HCN2: variants seen among roughly 807,000 people sequenced by gnomAD.
The protein encoded by HCN2 is potassium/sodium hyperpolarization-activated cyclic nucleotide-gated channel 2.
Under a neutral mutation model 52.3 loss-of-function variants are expected in HCN2, and 20 were observed. The ratio of observed to expected loss-of-function variants is 0.38; its 90% CI spans 0.27 to 0.56. The LOEUF (loss-of-function observed/expected upper bound fraction) is 0.56, where lower values mean the gene tolerates loss of function less well. Ranked by LOEUF, HCN2 falls within the 20% of genes least tolerant of loss-of-function variation. The pLI, the probability that HCN2 is intolerant of heterozygous loss-of-function variation, is 0.71. For synonymous variants in HCN2, 694 were observed against 537.0 expected (o/e 1.29, Z -4.04); for missense variants, 981 against 1,207.7 (o/e 0.81, Z 2.78).
At chr19:599,084 GT>G (rs1983121409) in intron 1 of HCN2, among the ~76,000 whole-genome samples, 1 of 152,384 alleles carries the variant, frequency 6.6e-6, no homozygotes, top group Admixed American at 6.5e-5. Flanking sequence ...GCCAGCCCAG[GT>G]CTGGCTGATG....
intron 1 of HCN2, among the ~76,000 whole-genome samples, chr19:599,352 CAGCGATG>C (rs1165066485): frequency 2.0e-5 from 3 of 152,168 alleles, no homozygotes; most frequent in Admixed American, 2.0e-4. Context: ...GCGGCCACGC[CAGCGATG>C]AGCTCCCAGG....
Position 590,606 on chromosome 19 carries a change from C to A in HCN2, c.632+29C>A, listed in dbSNP as rs767271875. ...CCGCCTCCGGGAGGGCCGGTCGGCG[C>A]GAGGGGGCCCGGGGAGCCGGGCGCG... is the stretch of plus-strand genomic sequence containing the variant. On this transcript the variant is annotated intron_variant, in intron 1 of 7. Coordinates refer to ENST00000251287, the MANE Select transcript of HCN2 (RefSeq NM_001194.4). This position sits in a 1 kb window ranked among gnomAD's most constrained non-coding sequence, Gnocchi z 7.2. 7.0e-5 allele frequency: 94 copies of A among 1,351,368 alleles called. No homozygotes were observed. Among genetic ancestry groups the A allele is most frequent in the Non-Finnish European group, 9.0e-5 (93 of 1,036,212 alleles). The allele number at this position is 1,351,368 out of a possible 1,614,324, so 83.7% of individuals were successfully genotyped here.
In HCN2 at chr19:590,679, G is replaced by A; in HGVS notation, c.632+102G>A. 1 of 952,618 alleles carries A rather than the reference G, an allele frequency of 1.0e-6. No homozygotes were observed. Among genetic ancestry groups the A allele is most frequent in the Non-Finnish European group, 1.4e-6 (1 of 737,718 alleles). 59.0% of individuals were successfully genotyped at this position (952,618 alleles called of 1,614,324 possible). Reference sequence around the variant, plus strand: ...CTGGGGAGGGCGGGGCGGCGCGCCGGGCCGGTGACCTCGGGGCTCCTCGGT... The same window carrying A: ...CTGGGGAGGGCGGGGCGGCGCGCCGAGCCGGTGACCTCGGGGCTCCTCGGT... On this transcript the variant is annotated intron_variant, in intron 1 of 7. Transcript: ENST00000251287. This position sits in a 1 kb window ranked among gnomAD's most constrained non-coding sequence, Gnocchi z 7.2.
chr19:616,641 C>G lies in HCN2; in HGVS notation c.*167C>G. On this transcript the variant is annotated 3_prime_UTR_variant, in exon 8 of 8. Coordinates refer to ENST00000251287, the MANE Select transcript of HCN2 (RefSeq NM_001194.4). ...GGCAGGGCCGGCGGGGCAGCCCCCT[C>G]CGCGCCCCCGGCCGTCCCCCCTCAT... 3.3e-6 allele frequency: 1 copy of G among 302,072 alleles called. No homozygotes were observed. The highest frequency in any genetic ancestry group is 5.6e-6 in the Non-Finnish European group (1 of 177,822). The allele number at this position is 302,072 out of a possible 1,614,324, so 18.7% of individuals were successfully genotyped here.
At chr19:614,733 A>G (rs966179273) in intron 7 of HCN2, among the ~76,000 whole-genome samples, 2 of 151,964 alleles carry the variant, frequency 1.3e-5, no homozygotes, top group African/African-American at 4.8e-5. Flanking sequence ...GGAGGGTTCT[A>G]GGTGGGCGGA....
At position 594,077 on chromosome 19, in the gene HCN2, T is replaced by C. The variant is rs377395403; in HGVS notation, c.632+3500T>C. On this transcript the variant is annotated intron_variant, in intron 1 of 7. Transcript: ENST00000251287. Reference sequence around the variant, plus strand: ...GCAGGAGAGGGGCAGGGGCTGGAGGTCTCTGCACGAGAAGGGCTGGGGCTG... The same window carrying C: ...GCAGGAGAGGGGCAGGGGCTGGAGGCCTCTGCACGAGAAGGGCTGGGGCTG... Among the ~76,000 whole-genome samples, 191 of 146,938 alleles carry C rather than the reference T, an allele frequency of 1.3e-3. 1 individual carries two copies. The highest frequency in any genetic ancestry group is 7.0e-3 in the Middle Eastern group (2 of 284).
chr19:592,368 G>T lies in HCN2; in HGVS notation c.632+1791G>T, dbSNP rs374807352. On this transcript the variant is annotated intron_variant, in intron 1 of 7. Transcript: ENST00000251287. The surrounding 1 kb of genome is among the most constrained non-coding windows in gnomAD (Gnocchi z 4.8). ...TGCAGAGGGGCGGTCGGTGGCCTGG[G>T]GGGCAGGTGGGCAGATGGCTGATCC... 1.8e-4 allele frequency among the ~76,000 whole-genome samples: 28 copies of T among 152,344 alleles called. No homozygotes were observed. The highest frequency in any genetic ancestry group is 6.3e-4 in the African/African-American group (26 of 41,568).
At position 616,956 on chromosome 19, in the gene HCN2, C is replaced by T. The variant is rs1983983945; in HGVS notation, c.*482C>T. The T allele has an allele frequency of 9.2e-6, 4 of 435,478 alleles. No homozygotes were observed. The highest frequency in any genetic ancestry group is 1.7e-5 in the Non-Finnish European group (4 of 235,928). 27.0% of individuals were successfully genotyped at this position (435,478 alleles called of 1,614,324 possible). ...CCGTCCGCGCGCGTCCCCCGGTGACCTCGGGGAGCAGCACCCCGCCTCCCT... is the reference window on the plus strand; with the variant it reads ...CCGTCCGCGCGCGTCCCCCGGTGACTTCGGGGAGCAGCACCCCGCCTCCCT... On this transcript the variant is annotated 3_prime_UTR_variant, in exon 8 of 8. Transcript: ENST00000251287.
intron 1 of HCN2, among the ~76,000 whole-genome samples, chr19:594,234 G>T (rs1810308507): frequency 6.6e-6 from 1 of 152,184 alleles, no homozygotes; most frequent in Non-Finnish European, 1.5e-5. Context: ...CACCGAGGGG[G>T]CTGGGCAGAC....
intron 5 of HCN2, among the ~76,000 whole-genome samples, chr19:612,393 GGTGTGTGTGT>G (rs140326049): frequency 7.1e-4 from 101 of 141,862 alleles, no homozygotes; most frequent in African/African-American, 2.0e-3. Flanking sequence ...GCTTTCCACT[GGTGTGTGTGT>G]GTGTGTGTGT....
chr19:601,613 C>T (rs538616291), intron 1 of HCN2, among the ~76,000 whole-genome samples: 3 of 150,812 alleles, frequency 2.0e-5, no homozygotes, highest in African/African-American at 7.4e-5. Flanking sequence ...GCGGGGTGCT[C>T]GTCCGTCCTT....
chr19:616,200 C>T lies in HCN2; in HGVS notation c.2396C>T (p.Pro799Leu), dbSNP rs1182188375. The T allele has an allele frequency of 3.0e-6, 3 of 984,050 alleles. No individual in the cohort carries two copies. Among genetic ancestry groups the T allele is most frequent in the South Asian group, 4.5e-5 (1 of 22,418 alleles). The allele number at this position is 984,050 out of a possible 1,614,324, so 61.0% of individuals were successfully genotyped here. A position where few individuals can be genotyped will look rare whatever the true frequency, so the allele number is the denominator to read the frequency against. The change falls in exon 8 of 8, where the codon CCC becomes CTC. Residue 799 changes from proline (P) to leucine (L), a missense_variant. Pro to Leu is a moderately conservative substitution (Grantham distance 98, BLOSUM62 -3). Coordinates refer to ENST00000251287, the MANE Select transcript of HCN2 (RefSeq NM_001194.4). ...CGGACCTCGCCCTACGGCGGCCTGC[C>T]CGCCGCCCCCCTTGCTGGGCCCGCC... ...APRTSPYGGLPAAPLAGPALP... is the reference protein window; with the variant it reads ...APRTSPYGGLLAAPLAGPALP...
In HCN2 at chr19:616,249, C is replaced by T. The variant is rs909314890; in HGVS notation, c.2445C>T (p.Arg815=). The T allele has an allele frequency of 1.1e-5, 11 of 1,010,688 alleles. No homozygotes were observed. The South Asian group carries it at 4.3e-4, about 39-fold the overall frequency. 62.6% of individuals were successfully genotyped at this position (1,010,688 alleles called of 1,614,324 possible). A position where few individuals can be genotyped will look rare whatever the true frequency, so the allele number is the denominator to read the frequency against. The change falls in exon 8 of 8, where the codon CGC becomes CGT. Residue 815 remains arginine (R), a synonymous_variant. Coordinates refer to ENST00000251287, the MANE Select transcript of HCN2 (RefSeq NM_001194.4). ...GPALPARRLS[R]ASRPLSASQP... is the part of the protein sequence containing the mutation. The stretch of plus-strand genomic sequence containing the variant: ...CCCTGCCCGCGCGCCGCCTGAGCCG[C>T]GCGTCGCGCCCACTGTCCGCCTCGC...
intron 5 of HCN2, 44 bp downstream of exon 5, chr19:610,449 G>A: frequency 6.3e-7 from 1 of 1,579,292 alleles, no homozygotes; most frequent in Admixed American, 1.7e-5. Flanking sequence ...TCCGGTACAG[G>A]GCCGGCCTCC....
Position 605,230 on chromosome 19 carries a change from C to T in HCN2, c.1218+8C>T. 1 of 1,609,380 alleles carries T rather than the reference C, an allele frequency of 6.2e-7. No individual in the cohort carries two copies. Among genetic ancestry groups the T allele is most frequent in the Non-Finnish European group, 8.5e-7 (1 of 1,178,802 alleles). On this transcript the variant is annotated splice_region_variant and intron_variant, in intron 3 of 7. Transcript: ENST00000251287. Reference sequence around the variant, plus strand: ...TCCATCAATGGCATGGTGGTGAGCGCCGCGGGCCCTGACGGAGGGGGAGAC... The same window carrying T: ...TCCATCAATGGCATGGTGGTGAGCGTCGCGGGCCCTGACGGAGGGGGAGAC...
chr19:617,072 G>A lies in HCN2; in HGVS notation c.*598G>A, dbSNP rs1242214829. 1.0e-5 allele frequency: 6 copies of A among 585,812 alleles called. No individual in the cohort carries two copies. The highest frequency in any genetic ancestry group is 5.6e-5 in the African/African-American group (3 of 53,738). 36.3% of individuals were successfully genotyped at this position (585,812 alleles called of 1,614,324 possible). A position where few individuals can be genotyped will look rare whatever the true frequency, so the allele number is the denominator to read the frequency against. ...GCCGTGATGAATGTACTGACGAGCC[G>A]AGGCAGCAGTGCCCCCACCGTGGCC... is the stretch of plus-strand genomic sequence containing the variant. On this transcript the variant is annotated 3_prime_UTR_variant, in exon 8 of 8. Transcript: ENST00000251287.
intron 6 of HCN2, 30 bp downstream of exon 6, chr19:613,518 G>A: frequency 3.8e-6 from 4 of 1,053,446 alleles, no homozygotes; most frequent in Admixed American, 2.1e-5. Context: ...GCCTGGAGGG[G>A]GAGGGGGCAC....
In HCN2 at chr19:610,916, C is replaced by T. The variant is rs541668297; in HGVS notation, c.1584+511C>T. Among the ~76,000 whole-genome samples, 70 of 152,164 alleles carry T rather than the reference C, an allele frequency of 4.6e-4. 1 individual carries two copies. Among genetic ancestry groups the T allele is most frequent in the Non-Finnish European group, 4.9e-4 (33 of 68,022 alleles). Reference sequence around the variant, plus strand: ...CAAGGCGTGGGCCGGGCCGTGCTACCCCCCCGGAGCCCCTGGGGAGGATCC... The same window carrying T: ...CAAGGCGTGGGCCGGGCCGTGCTACTCCCCCGGAGCCCCTGGGGAGGATCC... On this transcript the variant is annotated intron_variant, in intron 5 of 7. Transcript: ENST00000251287.
intron 7 of HCN2, 129 bp from the exon 8 acceptor site, chr19:615,666 G>C (rs1159385243): frequency 2.5e-6 from 2 of 803,170 alleles, no homozygotes; most frequent in African/African-American, 1.7e-5. Context: ...GTATACAGTA[G>C]GTGGTAAATG....
Sources: gnomAD v4.1 joint callset for allele counts (sites outside exome capture counted in the v4.1 genomes callset) on GRCh38, gnomAD v4.1.1 for gene constraint, Gnocchi (gnomAD v3.1) non-coding constraint, MANE v1.5 for transcripts, NCBI Gene and HGNC (gene_info 2026-07-23, HGNC 2026-07-21) for gene names.